Variants in DOCK9 observed in about 807,000 individuals in gnomAD.
DOCK9 encodes the protein dedicator of cytokinesis protein 9.
In DOCK9, 89 loss-of-function variants were observed where a neutral mutation model predicts 263.3. That is an observed-to-expected ratio of 0.34 (90% confidence interval 0.28 to 0.40). DOCK9 has a LOEUF of 0.40. Among genes scored for constraint, DOCK9 ranks in the 10% least tolerant of loss-of-function variants. The pLI is 1.00. For synonymous variants in DOCK9, 976 were observed against 973.1 expected (o/e 1.00, Z -0.06); for missense variants, 2,140 against 2,603.4 (o/e 0.82, Z 3.87).
At chr13:99,011,580 T>C (rs913511897) in intron 1 of DOCK9, among the ~76,000 whole-genome samples, 3 of 152,070 alleles carry the variant, frequency 2.0e-5, no homozygotes, top group African/African-American at 7.2e-5. Flanking sequence ...AAAACAGAAA[T>C]GACAATGATT....
At chr13:98,902,936 T>C in intron 11 of DOCK9, 36 bp downstream of exon 11, 1 of 1,473,074 alleles carries the variant, frequency 6.8e-7, no homozygotes. Context: ...TCTGCCTATT[T>C]TTTTTTTAAT....
At chr13:98,992,586 G>A (rs553339546) in intron 1 of DOCK9, among the ~76,000 whole-genome samples, 1 of 152,314 alleles carries the variant, frequency 6.6e-6, no homozygotes, top group Admixed American at 6.5e-5. Flanking sequence ...CTGTTCTCAT[G>A]AGTAAGTCTC....
intron 27 of DOCK9, among the ~76,000 whole-genome samples, chr13:98,871,073 G>C (rs919789670): frequency 6.6e-6 from 1 of 152,182 alleles, no homozygotes; most frequent in African/African-American, 2.4e-5. Flanking sequence ...TATAGACTGG[G>C]TGTTAGATGA....
chr13:98,875,410 G>A (rs1422988959), intron 27 of DOCK9, among the ~76,000 whole-genome samples: 1 of 152,196 alleles, frequency 6.6e-6, no homozygotes, highest in African/African-American at 2.4e-5. Context: ...TTCAAAAACA[G>A]TTCTTTTCTT....
chr13:99,038,549 AC>A (rs1888166534), intron 1 of DOCK9, among the ~76,000 whole-genome samples: 1 of 151,644 alleles, frequency 6.6e-6, no homozygotes, highest in Non-Finnish European at 1.5e-5. Flanking sequence ...CAGGTGATCC[AC>A]CCACCTCAGC....
chr13:98,798,377 A>T (rs1226419365), intron 50 of DOCK9, among the ~76,000 whole-genome samples: 1 of 152,182 alleles, frequency 6.6e-6, no homozygotes, highest in Non-Finnish European at 1.5e-5. Context: ...CTCACACCAG[A>T]CGTGGAGACA....
At chr13:98,919,521 C>T (rs956469549) in intron 7 of DOCK9, among the ~76,000 whole-genome samples, 3 of 152,212 alleles carry the variant, frequency 2.0e-5, no homozygotes, top group Non-Finnish European at 4.4e-5. Context: ...CTGGCCCCAC[C>T]AAACAGTCTC....
intron 27 of DOCK9, among the ~76,000 whole-genome samples, chr13:98,877,132 C>T (rs560845118): frequency 1.6e-4 from 25 of 152,310 alleles, no homozygotes; most frequent in African/African-American, 6.0e-4. Flanking sequence ...GAAATGGCAG[C>T]ACCTCTAGGA....
chr13:98,872,392 TTTTG>T lies in DOCK9; in HGVS notation c.2944-4019_2944-4016del, dbSNP rs1343606235. 3.7e-5 allele frequency among the ~76,000 whole-genome samples: 5 copies of T among 134,674 alleles called. No homozygotes were observed. In the East Asian group the frequency reaches 6.1e-4, roughly 17 times the overall value. The allele number at this position is 134,674 out of a possible 152,430, so 88.4% of individuals were successfully genotyped here. On this transcript the variant is annotated intron_variant, in intron 27 of 52. Transcript: ENST00000682017. ...TCTCCTATTTTCTTCTACAACTTGG[TTTTG>T]TTTTTGTTTTTGTTTTTTGTTTTTT...
intron 1 of DOCK9, among the ~76,000 whole-genome samples, chr13:99,029,336 C>G (rs1434609787): frequency 6.6e-6 from 1 of 152,214 alleles, no homozygotes; most frequent in Admixed American, 6.5e-5. Context: ...TTGATGGCTG[C>G]TTCCTACAGC....
chr13:98,964,942 A>G (rs986702607), intron 1 of DOCK9, among the ~76,000 whole-genome samples: 1 of 151,806 alleles, frequency 6.6e-6, no homozygotes, highest in South Asian at 2.1e-4. Context: ...AGAGAGCAAC[A>G]CTCCTCACAA....
At chr13:99,072,193 C>T (rs9557133) in intron 1 of DOCK9, among the ~76,000 whole-genome samples, 42,414 of 152,008 alleles carry the variant, frequency 0.28, 6,297 homozygotes, top group East Asian at 0.43. Flanking sequence ...ATAACAATGA[C>T]GGTATCCTTC....
chr13:98,855,013 A>T (rs1300792212), intron 34 of DOCK9, among the ~76,000 whole-genome samples: 1 of 152,210 alleles, frequency 6.6e-6, no homozygotes, highest in Non-Finnish European at 1.5e-5. Flanking sequence ...CTGTGCCCAA[A>T]GTGATACCAA....
At chr13:98,877,414 A>G (rs568723723) in intron 27 of DOCK9, among the ~76,000 whole-genome samples, 2 of 152,226 alleles carry the variant, frequency 1.3e-5, no homozygotes, top group Admixed American at 6.5e-5. Context: ...ATATCCTTGT[A>G]TGTATTCCTG....
intron 1 of DOCK9, among the ~76,000 whole-genome samples, chr13:99,019,801 T>A (rs1376288087): frequency 6.6e-6 from 1 of 152,104 alleles, no homozygotes; most frequent in Non-Finnish European, 1.5e-5. Flanking sequence ...AAGCTGCTAT[T>A]AAGAATCGGG....
chr13:99,076,927 T>G (rs1716676735), intron 1 of DOCK9, among the ~76,000 whole-genome samples: 1 of 152,040 alleles, frequency 6.6e-6, no homozygotes, highest in South Asian at 2.1e-4. Flanking sequence ...TTAGTTTGGG[T>G]GGATAGGCCA....
chr13:98,835,464 G>C (rs1291573687), intron 39 of DOCK9, among the ~76,000 whole-genome samples: 6 of 152,172 alleles, frequency 3.9e-5, no homozygotes, highest in Non-Finnish European at 7.3e-5. Context: ...CCTCCCAGCT[G>C]GGGGGAGGTG....
chr13:98,804,367 G>A (rs1428648761), intron 49 of DOCK9, among the ~76,000 whole-genome samples: 2 of 152,208 alleles, frequency 1.3e-5, no homozygotes, highest in African/African-American at 4.8e-5. Context: ...GCCAGGGACC[G>A]GGAAATGATG....
chr13:99,034,206 T>C (rs1022781686), intron 1 of DOCK9, among the ~76,000 whole-genome samples: 1 of 152,162 alleles, frequency 6.6e-6, no homozygotes, highest in Admixed American at 6.5e-5. Flanking sequence ...GTTAAAACCA[T>C]ATTCCAAATT....
Sources: allele counts gnomAD v4.1 joint callset (sites outside exome capture counted in the v4.1 genomes callset), GRCh38; gene constraint gnomAD v4.1.1; transcripts MANE v1.5; gene names NCBI Gene and HGNC (gene_info 2026-07-23, HGNC 2026-07-21).